The following ASIC2 variants were observed in gnomAD, a reference collection of about 807,000 sequenced individuals.
ASIC2 encodes the protein acid sensing ion channel subunit 2.
Under a neutral mutation model 57.3 loss-of-function variants are expected in ASIC2, and 25 were observed. That is an observed-to-expected ratio of 0.44 (90% CI 0.32 to 0.61). The LOEUF (loss-of-function observed/expected upper bound fraction) is 0.61, where lower values mean the gene tolerates loss of function less well. Ranked by LOEUF, ASIC2 falls within the 20% of genes least tolerant of loss-of-function variation. The pLI is 0.06. For missense variants in ASIC2, 641 were observed against 738.1 expected (o/e 0.87, Z 1.52); for synonymous variants, 319 against 307.5 (o/e 1.04, Z -0.39).
chr17:33,423,238 TA>T, intron 1 of ASIC2, among the ~76,000 whole-genome samples: 1 of 152,286 alleles, frequency 6.6e-6, no homozygotes, highest in South Asian at 2.1e-4. Flanking sequence ...TGGTATGTTT[TA>T]AATGTTCACT....
chr17:33,216,951 G>A (rs1004849699), intron 1 of ASIC2, among the ~76,000 whole-genome samples: 2 of 152,128 alleles, frequency 1.3e-5, no homozygotes, highest in African/African-American at 4.8e-5. Context: ...GCAGTTGGGA[G>A]GGAGATTTAG....
chr17:34,106,373 C>T (rs901898227), intron 1 of ASIC2, among the ~76,000 whole-genome samples: 1 of 151,976 alleles, frequency 6.6e-6, no homozygotes, highest in African/African-American at 2.4e-5. Flanking sequence ...ATTCAGTATC[C>T]ATTGATTATT....
chr17:33,305,394 G>A (rs1274679243), intron 1 of ASIC2, among the ~76,000 whole-genome samples: 1 of 152,128 alleles, frequency 6.6e-6, no homozygotes, highest in Non-Finnish European at 1.5e-5. Flanking sequence ...CTTTATGCAC[G>A]ATCATGATAA....
intron 1 of ASIC2, among the ~76,000 whole-genome samples, chr17:33,244,842 C>G (rs1908635035): frequency 6.6e-6 from 1 of 152,206 alleles, no homozygotes; most frequent in South Asian, 2.1e-4. Flanking sequence ...CCCCACGCAC[C>G]TGTTAAAACA....
chr17:33,825,072 T>G (rs1337288193), intron 1 of ASIC2, among the ~76,000 whole-genome samples: 1 of 152,210 alleles, frequency 6.6e-6, no homozygotes, highest in Non-Finnish European at 1.5e-5. Flanking sequence ...CAGCCCATAG[T>G]AAGTCCTGAA....
At chr17:33,190,318 G>A (rs1906363277) in intron 1 of ASIC2, among the ~76,000 whole-genome samples, 2 of 151,912 alleles carry the variant, frequency 1.3e-5, no homozygotes, top group South Asian at 2.1e-4. Flanking sequence ...TATGAAACAG[G>A]GATACATTTT....
intron 1 of ASIC2, among the ~76,000 whole-genome samples, chr17:33,198,170 T>C (rs1384833876): frequency 2.0e-5 from 3 of 152,120 alleles, no homozygotes; most frequent in African/African-American, 4.8e-5. Flanking sequence ...GGCAAAATGG[T>C]GAAACCCCAT....
At chr17:33,813,657 C>T (rs1188089796) in intron 1 of ASIC2, among the ~76,000 whole-genome samples, 1 of 152,170 alleles carries the variant, frequency 6.6e-6, no homozygotes, top group East Asian at 1.9e-4. Context: ...AGGATGGTCT[C>T]GATTTCCTGA....
chr17:33,071,739 T>C (rs1241889682), intron 3 of ASIC2, among the ~76,000 whole-genome samples: 3 of 152,218 alleles, frequency 2.0e-5, no homozygotes, highest in Admixed American at 1.3e-4. Context: ...TTTGACCCAT[T>C]TGGGTTTTGC....
intron 1 of ASIC2, among the ~76,000 whole-genome samples, chr17:33,329,247 A>G (rs1246642929): frequency 6.6e-6 from 1 of 152,168 alleles, no homozygotes; most frequent in Non-Finnish European, 1.5e-5. Flanking sequence ...AAATGGGGGT[A>G]TTAGGGTTCA....
At chr17:33,905,712 C>T (rs1381200728) in intron 1 of ASIC2, among the ~76,000 whole-genome samples, 2 of 152,196 alleles carry the variant, frequency 1.3e-5, no homozygotes, top group East Asian at 3.8e-4. Context: ...CCGTTCCTCA[C>T]CCTGCTGGGG....
At chr17:33,765,987 C>T (rs536945508) in intron 1 of ASIC2, among the ~76,000 whole-genome samples, 4 of 152,212 alleles carry the variant, frequency 2.6e-5, no homozygotes, top group Non-Finnish European at 5.9e-5. Context: ...AGGCCACCCT[C>T]TCTTGGCAGG....
chr17:33,292,375 G>A lies in ASIC2; in HGVS notation c.-260C>T. 1.0e-6 allele frequency: 1 copy of A among 985,802 alleles called. No individual in the cohort carries two copies. The allele number at this position is 985,802 out of a possible 1,614,324, so 61.1% of individuals were successfully genotyped here. On this transcript the variant is annotated 5_prime_UTR_variant, in exon 1 of 10. Transcript: ENST00000225823. ...GTGGCCTCTCCCGAGCGCCTCCCAGGCTTTCCCGGCCCCTGGTCTTCCTGG... is the reference window on the plus strand; with the variant it reads ...GTGGCCTCTCCCGAGCGCCTCCCAGACTTTCCCGGCCCCTGGTCTTCCTGG...
chr17:33,475,387 AG>A, intron 1 of ASIC2, among the ~76,000 whole-genome samples: 1 of 152,268 alleles, frequency 6.6e-6, no homozygotes, highest in East Asian at 1.9e-4. Context: ...GAAGTTAGTG[AG>A]TGTTCACCTA....
chr17:33,914,338 G>T (rs1477188635), intron 1 of ASIC2, among the ~76,000 whole-genome samples: 2 of 152,156 alleles, frequency 1.3e-5, no homozygotes, highest in Admixed American at 1.3e-4. Context: ...GCCTCTCAGG[G>T]CAGCCAGTGG....
intron 1 of ASIC2, among the ~76,000 whole-genome samples, chr17:33,326,892 T>A (rs976803048): frequency 7.7e-6 from 1 of 129,312 alleles, no homozygotes; most frequent in Non-Finnish European, 1.7e-5. Flanking sequence ...CATTCCCTTC[T>A]TCCAGACCCA....
intron 1 of ASIC2, among the ~76,000 whole-genome samples, chr17:33,533,072 T>A (rs7223650): frequency 2.0e-5 from 3 of 151,682 alleles, no homozygotes; most frequent in Admixed American, 6.6e-5. Context: ...TCAGGCCGAG[T>A]GCAGTGGCTC....
At chr17:33,945,296 C>T (rs390872) in intron 1 of ASIC2, among the ~76,000 whole-genome samples, 13,364 of 150,404 alleles carry the variant, frequency 0.089, 807 homozygotes, top group Non-Finnish European at 0.14. Context: ...TCAGCACAGG[C>T]ATAAGGGCTT....
chr17:33,714,773 A>G, intron 1 of ASIC2, among the ~76,000 whole-genome samples: 1 of 148,562 alleles, frequency 6.7e-6, no homozygotes, highest in East Asian at 2.0e-4. Flanking sequence ...TTGTTGTTTC[A>G]CTGGTATTTG....
Sources: allele counts gnomAD v4.1 joint callset (sites outside exome capture counted in the v4.1 genomes callset), GRCh38; gene constraint gnomAD v4.1.1; transcripts MANE v1.5; gene names NCBI Gene and HGNC (gene_info 2026-07-23, HGNC 2026-07-21).